Variants in AKR1C3 observed in about 807,000 individuals in gnomAD.
AKR1C3 encodes aldo-keto reductase family 1 member C3, also known as 3-alpha hydroxysteroid dehydrogenase, type II.
AKR1C3 carries 48 observed loss-of-function variants against 43.6 expected under a neutral mutation model. The observed-to-expected ratio is 1.10, with a 90% CI of 0.87 to 1.40. AKR1C3 has a LOEUF of 1.40. AKR1C3 is among the 40% of genes most tolerant of loss of function. The pLI is 0.00. For missense variants in AKR1C3, 482 were observed against 391.2 expected, an observed-to-expected ratio of 1.23 and a Z score of -1.96; for synonymous variants, 162 against 139.6, an observed-to-expected ratio of 1.16 and a Z score of -1.13.
chr10:5,077,703 C>T (rs1838742404), intron 1 of AKR1C3: 7 of 1,152,674 alleles, frequency 6.1e-6, no homozygotes, highest in Non-Finnish European at 6.4e-6. Flanking sequence ...ACTAACCAAA[C>T]ATTTAATCCT....
At chr10:5,076,011 C>A (rs148902898) in intron 1 of AKR1C3, among the ~76,000 whole-genome samples, 1 of 152,150 alleles carries the variant, frequency 6.6e-6, no homozygotes, top group Admixed American at 6.5e-5. Context: ...CTATTCAAAT[C>A]CCAGTTGTTT....
chr10:5,049,021 G>T, intron 1 of AKR1C3: 1 of 727,340 alleles, frequency 1.4e-6, no homozygotes, highest in Non-Finnish European at 2.4e-6. Flanking sequence ...GTTTCCCTAG[G>T]TTAAAGCTAT....
In AKR1C3 at chr10:5,096,479, G is replaced by C. The variant is rs377392226; in HGVS notation, c.154G>C (p.Ala52Pro). 3.8e-5 allele frequency: 61 copies of C among 1,613,726 alleles called. No individual in the cohort carries two copies. Among genetic ancestry groups the C allele is most frequent in the Non-Finnish European group, 4.7e-5 (56 of 1,179,782 alleles). Residue 52 changes from alanine to proline, a missense_variant, in exon 2 of 9, where the codon GCT becomes CCT. Coordinates refer to ENST00000380554, the MANE Select transcript of AKR1C3 (RefSeq NM_003739.6). ...IEAGFRHIDS[A>P]HLYNNEEQVG... is the part of the protein sequence containing the mutation. ...AGCTGGGTTCCGCCATATAGATTCTGCTCATTTATACAATAATGAGGAGCA... is the reference window on the plus strand; with the variant it reads ...AGCTGGGTTCCGCCATATAGATTCTCCTCATTTATACAATAATGAGGAGCA...
chr10:5,096,657 T>C lies in AKR1C3; in HGVS notation c.252+80T>C, dbSNP rs563695156. 3 of 1,469,460 alleles carry C rather than the reference T, an allele frequency of 2.0e-6. No individual in the cohort carries two copies. In the Admixed American group the frequency reaches 6.8e-5, roughly 33 times the overall value. 91.0% of individuals were successfully genotyped at this position (1,469,460 alleles called of 1,614,324 possible). On this transcript the variant is annotated intron_variant, in intron 2 of 8. Coordinates refer to ENST00000380554, the MANE Select transcript of AKR1C3 (RefSeq NM_003739.6). ...GATGACAATTCTATGACTGGATGAGTAGTTGTGGGTGAATTTTGCTTCTGG... is the reference window on the plus strand; with the variant it reads ...GATGACAATTCTATGACTGGATGAGCAGTTGTGGGTGAATTTTGCTTCTGG...
intron 1 of AKR1C3, among the ~76,000 whole-genome samples, chr10:5,088,054 A>C (rs977861032): frequency 6.6e-6 from 1 of 152,146 alleles, no homozygotes; most frequent in South Asian, 2.1e-4. Flanking sequence ...AAATCTGTTG[A>C]ATTCTGAATT....
chr10:5,105,889 C>T (rs1839488816), intron 8 of AKR1C3, among the ~76,000 whole-genome samples: 1 of 152,204 alleles, frequency 6.6e-6, no homozygotes, highest in African/African-American at 2.4e-5. Context: ...CTCTGCTCTC[C>T]TGACTCCATG....
At chr10:5,089,959 G>T (rs1185954858), upstream of AKR1C3, among the ~76,000 whole-genome samples, 1 of 152,148 alleles carries the variant, frequency 6.6e-6, no homozygotes, top group Non-Finnish European at 1.5e-5. Context: ...AGAGTGTCAT[G>T]AGTAGTGTAT....
intron 5 of AKR1C3, among the ~76,000 whole-genome samples, chr10:5,101,813 T>A (rs1839357255): frequency 6.6e-6 from 1 of 152,208 alleles, no homozygotes; most frequent in Non-Finnish European, 1.5e-5. Flanking sequence ...AGAATCTTAC[T>A]GTATCCCAGA....
At chr10:5,066,427 A>C (rs1406089387) in intron 1 of AKR1C3, among the ~76,000 whole-genome samples, 1 of 152,182 alleles carries the variant, frequency 6.6e-6, no homozygotes, top group Non-Finnish European at 1.5e-5. Flanking sequence ...CCATCTCAGC[A>C]TGTCATTGAC....
intron 1 of AKR1C3, among the ~76,000 whole-genome samples, chr10:5,066,145 T>C (rs1838496470): frequency 6.6e-6 from 1 of 152,202 alleles, no homozygotes; most frequent in Admixed American, 6.5e-5. Flanking sequence ...CTGTCGAGAA[T>C]GTTTGTTATA....
chr10:5,091,742 T>C (rs1367538978), upstream of AKR1C3, among the ~76,000 whole-genome samples: 1 of 152,170 alleles, frequency 6.6e-6, no homozygotes, highest in Non-Finnish European at 1.5e-5. Context: ...TTTCATGAAT[T>C]ACAAATTTAT....
intron 1 of AKR1C3, among the ~76,000 whole-genome samples, chr10:5,095,895 T>C (rs532079348): frequency 2.0e-5 from 3 of 152,120 alleles, no homozygotes; most frequent in Non-Finnish European, 4.4e-5. Flanking sequence ...ATTTCCCAAG[T>C]GAACCCTAGT....
rs572657065 is a variant in AKR1C3, at chr10:5,066,188, G to T, written c.84+17293G>T. On this transcript the variant is annotated intron_variant, in intron 1 of 8. Coordinates refer to the AKR1C3 transcript ENST00000439082. ...GCAGGAGACAAACAAAATTTTGCTT[G>T]TGGTGTGTTCTAGGATCTGTGTGTT... Among the ~76,000 whole-genome samples the T allele has an allele frequency of 2.0e-5, 3 of 152,332 alleles. No homozygotes were observed. In the East Asian group the frequency reaches 5.8e-4, roughly 29 times the overall value.
chr10:5,093,118 C>G (rs1033463166), upstream of AKR1C3, among the ~76,000 whole-genome samples: 8 of 152,040 alleles, frequency 5.3e-5, no homozygotes, highest in East Asian at 1.5e-3. Context: ...AAATTCACAC[C>G]CCAGCTTCCC....
chr10:5,100,250 C>T lies in AKR1C3; in HGVS notation c.570+801C>T, dbSNP rs112377259. Among the ~76,000 whole-genome samples, 1,394 of 152,192 alleles carry T rather than the reference C, an allele frequency of 9.2e-3. 22 individuals carry two copies. The highest frequency in any genetic ancestry group is 0.032 in the African/African-American group (1,309 of 41,506). The stretch of plus-strand genomic sequence containing the variant: ...CAGAGATTGCGGTGAGCCGAGGTCA[C>T]GCCATTGCACTCCAGCCTGGGCAAC... On this transcript the variant is annotated intron_variant, in intron 5 of 8. Coordinates refer to ENST00000380554, the MANE Select transcript of AKR1C3 (RefSeq NM_003739.6).
chr10:5,087,372 ATTTC>A (rs150688129), intron 1 of AKR1C3, among the ~76,000 whole-genome samples: 32,878 of 108,768 alleles, frequency 0.3, 4,076 homozygotes, highest in Middle Eastern at 0.46. Flanking sequence ...CACCTTTATC[ATTTC>A]TTTCTTTTTT....
At chr10:5,058,665 T>C (rs112982125) in intron 1 of AKR1C3, among the ~76,000 whole-genome samples, 6,344 of 152,238 alleles carry the variant, frequency 0.042, 457 homozygotes, top group African/African-American at 0.14. Context: ...GAACCTGCAA[T>C]GGTCCGTGGA....
At position 5,105,800 on chromosome 10, in the gene AKR1C3, A is replaced by G. The variant is rs1472156478; in HGVS notation, c.929+123A>G. Reference sequence around the variant, plus strand: ...AATGTGAGTCAGAGGTGAGACTGGAACTCTCCTGCTGGATTCACTCCAGAG... The same window carrying G: ...AATGTGAGTCAGAGGTGAGACTGGAGCTCTCCTGCTGGATTCACTCCAGAG... On this transcript the variant is annotated intron_variant, in intron 8 of 8. Coordinates refer to ENST00000380554, the MANE Select transcript of AKR1C3 (RefSeq NM_003739.6). 9 of 729,256 alleles carry G rather than the reference A, an allele frequency of 1.2e-5. No individual in the cohort carries two copies. In the Admixed American group the frequency reaches 2.1e-4, roughly 17 times the overall value. The allele number at this position is 729,256 out of a possible 1,614,324, so 45.2% of individuals were successfully genotyped here. A position where few individuals can be genotyped will look rare whatever the true frequency, so the allele number is the denominator to read the frequency against.
In AKR1C3 at chr10:5,098,803, C is replaced by T. The variant is rs782411198; in HGVS notation, c.371C>T (p.Pro124Leu). The change falls in exon 4 of 9, where the codon CCA becomes CTA. Residue 124 changes from proline to leucine, a missense_variant and splice_region_variant. Pro to Leu is a moderately conservative substitution (Grantham distance 98). Transcript: ENST00000380554. Reference sequence around the variant, plus strand: ...TTAAAATGACTGCTTCTATTTCAGCCAGGTGAGGAACTTTCACCAACAGAT... The same window carrying T: ...TTAAAATGACTGCTTCTATTTCAGCTAGGTGAGGAACTTTCACCAACAGAT... Reference protein sequence around the residue: ...YLIHSPMSLKPGEELSPTDEN... With the variant: ...YLIHSPMSLKLGEELSPTDEN... The T allele has an allele frequency of 9.9e-6, 16 of 1,612,658 alleles. No individual in the cohort carries two copies. In the Admixed American group the frequency reaches 1.8e-4, roughly 19 times the overall value.
Sources: allele counts gnomAD v4.1 joint callset (sites outside exome capture counted in the v4.1 genomes callset), GRCh38; gene constraint gnomAD v4.1.1; transcripts MANE v1.5; gene names NCBI Gene and HGNC (gene_info 2026-07-23, HGNC 2026-07-21).